SETX: variants seen among roughly 807,000 people sequenced by gnomAD.
The protein encoded by SETX is helicase senataxin.
SETX carries 90 observed loss-of-function variants against 227.2 expected under a neutral mutation model. The ratio of observed to expected loss-of-function variants is 0.40; its 90% CI spans 0.33 to 0.47. The LOEUF is 0.47. Ranked by LOEUF, SETX falls within the 20% of genes least tolerant of loss-of-function variation. The pLI is 0.91. For missense variants in SETX, 3,052 were observed against 3,181.5 expected, an observed-to-expected ratio of 0.96 and a Z score of 0.98; for synonymous variants, 1,210 against 1,113.2, an observed-to-expected ratio of 1.09 and a Z score of -1.73.
At chr9:132,285,231 C>T (rs1843781989) in intron 18 of SETX, among the ~76,000 whole-genome samples, 1 of 151,844 alleles carries the variant, frequency 6.6e-6, no homozygotes, top group African/African-American at 2.4e-5. Flanking sequence ...TTGTTTTTTG[C>T]AGTTTATGGG....
chr9:132,331,934 T>A (rs1847263088), intron 7 of SETX, among the ~76,000 whole-genome samples: 2 of 152,242 alleles, frequency 1.3e-5, no homozygotes, highest in African/African-American at 4.8e-5. Flanking sequence ...TCTTTCAGCA[T>A]CATCCTGAAT....
chr9:132,297,702 A>G (rs1207268268), intron 13 of SETX, among the ~76,000 whole-genome samples: 1 of 152,230 alleles, frequency 6.6e-6, no homozygotes, highest in African/African-American at 2.4e-5. Context: ...GAGTTTATAC[A>G]CAGCTTCACA....
Position 132,326,316 on chromosome 9 carries a change from A to C in SETX, c.5274+8T>G. 6.4e-7 allele frequency: 1 copy of C among 1,567,884 alleles called. No homozygotes were observed. The highest frequency in any genetic ancestry group is 8.8e-7 in the Non-Finnish European group (1 of 1,140,734). ...TTGGAGAGGCATACAAATGAAACAC[A>C]TACTTACTGTTTCAAAAGTATTCAA... On this transcript the variant is annotated splice_region_variant and intron_variant, in intron 10 of 25. Transcript: ENST00000224140.
upstream of SETX, among the ~76,000 whole-genome samples, chr9:132,356,468 C>T (rs1362320117): frequency 3.9e-5 from 6 of 152,304 alleles, no homozygotes; most frequent in South Asian, 1.2e-3. Context: ...TCCCAAAGTG[C>T]TGGGATTACA....
At chr9:132,306,150 C>T (rs1352538037) in intron 11 of SETX, among the ~76,000 whole-genome samples, 82 of 152,320 alleles carry the variant, frequency 5.4e-4, no homozygotes, top group East Asian at 1.9e-4. Flanking sequence ...CTGTCTTATA[C>T]GTTAGCTCTA....
At chr9:132,274,008 C>T (rs1387370590) in intron 23 of SETX, among the ~76,000 whole-genome samples, 1 of 150,948 alleles carries the variant, frequency 6.6e-6, no homozygotes, top group African/African-American at 2.4e-5. Flanking sequence ...TTTTGGGTTC[C>T]GTGCAACTTT....
At chr9:132,314,034 C>T (rs909362475) in intron 10 of SETX, among the ~76,000 whole-genome samples, 3 of 151,970 alleles carry the variant, frequency 2.0e-5, no homozygotes, top group African/African-American at 7.2e-5. Flanking sequence ...TGGGTTCAAG[C>T]GATTCTCCCG....
chr9:132,314,766 T>C (rs1363459265), intron 10 of SETX, among the ~76,000 whole-genome samples: 1 of 152,064 alleles, frequency 6.6e-6, no homozygotes, highest in African/African-American at 2.4e-5. Context: ...GATCAAATAG[T>C]TGAATATTAT....
At chr9:132,278,840 T>G (rs1314868009) in intron 20 of SETX, among the ~76,000 whole-genome samples, 1 of 152,194 alleles carries the variant, frequency 6.6e-6, no homozygotes, top group Non-Finnish European at 1.5e-5. Context: ...TAAACAAGCC[T>G]TTTGAAGACA....
In SETX at chr9:132,311,750, A is replaced by T. The variant is rs1204319305; in HGVS notation, c.5374+7T>A. The T allele has an allele frequency of 1.3e-6, 2 of 1,595,248 alleles. No homozygotes were observed. Among genetic ancestry groups the T allele is most frequent in the Non-Finnish European group, 1.7e-6 (2 of 1,163,764 alleles). ...ATATATTCCAAGTTGCGTAAGAAAA[A>T]ACTTACCTGCAAACTCCCAGTATTT... On this transcript the variant is annotated splice_region_variant and intron_variant, in intron 11 of 25. Coordinates refer to ENST00000224140, the MANE Select transcript of SETX (RefSeq NM_015046.7).
At chr9:132,346,619 T>C (rs982930826) in intron 3 of SETX, 148 bp from the exon 4 acceptor site, 3 of 673,478 alleles carry the variant, frequency 4.5e-6, no homozygotes, top group Non-Finnish European at 7.7e-6. Context: ...AAGAAAACTA[T>C]TCAAATGTGG....
At chr9:132,348,887 C>T (rs901872684) in intron 3 of SETX, among the ~76,000 whole-genome samples, 1 of 152,080 alleles carries the variant, frequency 6.6e-6, no homozygotes, top group Non-Finnish European at 1.5e-5. Context: ...GTGATCGCAC[C>T]ACTGCACTTC....
In SETX at chr9:132,275,682, T is replaced by C. The variant is rs142404853; in HGVS notation, c.6936-262A>G. On this transcript the variant is annotated intron_variant, in intron 22 of 25. Coordinates refer to ENST00000224140, the MANE Select transcript of SETX (RefSeq NM_015046.7). ...AAATGAAGTTGTAGAGAGAAAAGAG[T>C]TTGAAATCAACTGAAGTTTAGGCAC... Among the ~76,000 whole-genome samples, 82 of 152,228 alleles carry C rather than the reference T, an allele frequency of 5.4e-4. 1 individual carries two copies. Among genetic ancestry groups the C allele is most frequent in the African/African-American group, 1.4e-3 (57 of 41,538 alleles).
chr9:132,277,128 T>G lies in SETX; in HGVS notation c.6867A>C (p.Ser2289=), dbSNP rs1843207392. Residue 2289 remains serine (S), a synonymous_variant, in exon 22 of 26, where the codon TCA becomes TCC. Transcript: ENST00000224140. ...TNRQTEAIRC[S]SDWPFQPYLV... ...GGTATGGCTGAAATGGCCAATCTGA[T>G]GAACATCGAATGGCTTCTGTCTGTC... The G allele has an allele frequency of 4.3e-6, 7 of 1,613,206 alleles. No individual in the cohort carries two copies. Among genetic ancestry groups the G allele is most frequent in the African/African-American group, 4.0e-5 (3 of 74,698 alleles).
At chr9:132,318,623 C>T (rs1233915705) in intron 10 of SETX, among the ~76,000 whole-genome samples, 5 of 152,138 alleles carry the variant, frequency 3.3e-5, no homozygotes, top group African/African-American at 9.7e-5. Flanking sequence ...TCCTTGGTTA[C>T]AATAATTCAG....
rs1843637832 is a variant in SETX at position 132,283,159 on chromosome 9, G to GT, written c.6546+104_6546+105insA. 1.7e-5 allele frequency: 21 copies of GT among 1,249,960 alleles called. No individual in the cohort carries two copies. In the African/African-American group the frequency reaches 2.5e-4, roughly 15 times the overall value. 77.4% of individuals were successfully genotyped at this position (1,249,960 alleles called of 1,614,324 possible). A position where few individuals can be genotyped will look rare whatever the true frequency, so the allele number is the denominator to read the frequency against. ...AGGTAATAGCAAGTGAAAATCAGAT[G>GT]CAAAAAAAAAAAACACATTTCCTCA... On this transcript the variant is annotated intron_variant, in intron 19 of 25. Coordinates refer to ENST00000224140, the MANE Select transcript of SETX (RefSeq NM_015046.7).
At chr9:132,350,792 AAC>A (rs924502340) in intron 2 of SETX, among the ~76,000 whole-genome samples, 4 of 152,352 alleles carry the variant, frequency 2.6e-5, no homozygotes, top group African/African-American at 9.6e-5. Context: ...GATTTCAAAA[AAC>A]AAAATCAAAA....
chr9:132,280,761 C>T (rs1843454234), intron 20 of SETX, among the ~76,000 whole-genome samples: 1 of 152,060 alleles, frequency 6.6e-6, no homozygotes, highest in Non-Finnish European at 1.5e-5. Context: ...ATTTCAAAAC[C>T]TCTTCAGATT....
rs1281767052 is a variant in SETX at position 132,281,683 on chromosome 9, G to A, written c.6547-109C>T. 4 of 778,324 alleles carry A rather than the reference G, an allele frequency of 5.1e-6. No individual in the cohort carries two copies. The African/African-American group carries it at 5.3e-5, about 10-fold the overall frequency. 48.2% of individuals were successfully genotyped at this position (778,324 alleles called of 1,614,324 possible). A position where few individuals can be genotyped will look rare whatever the true frequency, so the allele number is the denominator to read the frequency against. ...TTCAGAAAAGTATCACACTTCTCCTGCACCAAATATCAAAAATACAAATTT... is the reference window on the plus strand; with the variant it reads ...TTCAGAAAAGTATCACACTTCTCCTACACCAAATATCAAAAATACAAATTT... On this transcript the variant is annotated intron_variant, in intron 19 of 25. Transcript: ENST00000224140.
Sources: allele counts gnomAD v4.1 joint callset (sites outside exome capture counted in the v4.1 genomes callset), GRCh38; gene constraint gnomAD v4.1.1; transcripts MANE v1.5; gene names NCBI Gene and HGNC (gene_info 2026-07-23, HGNC 2026-07-21).